Variants in QTMAN observed in about 807,000 individuals in gnomAD.
QTMAN encodes tRNA-queuosine alpha-mannosyltransferase.
At chr2:143,984,369 C>T in the QTMAN span, among the ~76,000 whole-genome samples, 1 of 152,068 alleles carries the variant, frequency 6.6e-6, no homozygotes, top group Non-Finnish European at 1.5e-5. Context: ...AGAGATGATA[C>T]CCTTAGATTT....
the QTMAN span, among the ~76,000 whole-genome samples, chr2:144,182,853 T>TTATATATATATTA: frequency 2.1e-5 from 1 of 47,304 alleles, no homozygotes; most frequent in South Asian, 4.6e-4. Context: ...TATATATATT[T>TTATATATATATTA]TATATATAAT....
the QTMAN span, among the ~76,000 whole-genome samples, chr2:144,109,564 A>C: frequency 9.2e-5 from 14 of 152,214 alleles, no homozygotes; most frequent in African/African-American, 1.2e-4. Flanking sequence ...ATTAAACTAA[A>C]GAGCTTCTGC....
the QTMAN span, among the ~76,000 whole-genome samples, chr2:143,984,767 T>C: frequency 3.9e-5 from 6 of 152,286 alleles, no homozygotes; most frequent in Non-Finnish European, 7.4e-5. Context: ...TTGGAGACTA[T>C]GGTCAGAGAG....
chr2:144,330,062 T>C, the QTMAN span, among the ~76,000 whole-genome samples: 2 of 152,224 alleles, frequency 1.3e-5, no homozygotes, highest in Non-Finnish European at 2.9e-5. Flanking sequence ...CTCATGCACT[T>C]GAGGTCCACT....
At chr2:144,146,338 C>T in the QTMAN span, among the ~76,000 whole-genome samples, 1 of 150,736 alleles carries the variant, frequency 6.6e-6, no homozygotes, top group Non-Finnish European at 1.5e-5. Context: ...TACTGGACTG[C>T]TAATGGTACC....
chr2:144,307,592 G>A, the QTMAN span, among the ~76,000 whole-genome samples: 1 of 152,150 alleles, frequency 6.6e-6, no homozygotes, highest in Non-Finnish European at 1.5e-5. Flanking sequence ...TATATAGAGA[G>A]CATCCTGAGG....
At chr2:144,280,590 C>T in the QTMAN span, among the ~76,000 whole-genome samples, 1 of 151,882 alleles carries the variant, frequency 6.6e-6, no homozygotes, top group African/African-American at 2.4e-5. Context: ...GATAAATTTG[C>T]CATTAAAATT....
At chr2:144,077,018 T>C in the QTMAN span, among the ~76,000 whole-genome samples, 1 of 127,198 alleles carries the variant, frequency 7.9e-6, no homozygotes, top group South Asian at 2.5e-4. Context: ...AACAATAGAT[T>C]AAAAAACTAA....
At chr2:144,243,194 T>G in the QTMAN span, among the ~76,000 whole-genome samples, 1 of 152,172 alleles carries the variant, frequency 6.6e-6, no homozygotes, top group African/African-American at 2.4e-5. Context: ...ACAGGAAGAT[T>G]CTACCTATGT....
chr2:144,056,847 G>A, the QTMAN span, among the ~76,000 whole-genome samples: 1 of 152,258 alleles, frequency 6.6e-6, no homozygotes, highest in African/African-American at 2.4e-5. Flanking sequence ...CCAAGAGGTA[G>A]TGGTGCTGAA....
At chr2:144,242,500 C>G in the QTMAN span, among the ~76,000 whole-genome samples, 2 of 152,144 alleles carry the variant, frequency 1.3e-5, no homozygotes, top group Non-Finnish European at 2.9e-5. Flanking sequence ...ACTCAGGGCA[C>G]ATGGAGCAGC....
chr2:144,253,922 G>C, the QTMAN span, among the ~76,000 whole-genome samples: 1 of 152,192 alleles, frequency 6.6e-6, no homozygotes, highest in Non-Finnish European at 1.5e-5. Context: ...CAGAGGCCTA[G>C]GAGGGAAAAA....
chr2:143,946,925 G>A, the QTMAN span: 14 of 673,654 alleles, frequency 2.1e-5, no homozygotes, highest in East Asian at 3.7e-4. Flanking sequence ...TGTCAGCTAT[G>A]ACAAGCAGCC....
At chr2:144,184,073 T>TA in the QTMAN span, among the ~76,000 whole-genome samples, 2 of 152,152 alleles carry the variant, frequency 1.3e-5, no homozygotes, top group Non-Finnish European at 2.9e-5. Context: ...TGGGATAAGT[T>TA]AGAGAGTATG....
the QTMAN span, among the ~76,000 whole-genome samples, chr2:144,320,170 C>T: frequency 1.3e-5 from 2 of 152,166 alleles, no homozygotes; most frequent in Non-Finnish European, 2.9e-5. Flanking sequence ...TGGAACATGG[C>T]TATATTCTTT....
chr2:144,177,757 G>A, the QTMAN span, among the ~76,000 whole-genome samples: 1 of 152,100 alleles, frequency 6.6e-6, no homozygotes, highest in Non-Finnish European at 1.5e-5. Flanking sequence ...GCAAATGAGT[G>A]AGCCACAAAT....
the QTMAN span, among the ~76,000 whole-genome samples, chr2:144,259,261 T>TAATC: frequency 6.6e-6 from 1 of 152,158 alleles, no homozygotes; most frequent in Non-Finnish European, 1.5e-5. Flanking sequence ...TGGGTTCAAG[T>TAATC]AATCCTCTCG....
chr2:144,202,725 C>T, the QTMAN span, among the ~76,000 whole-genome samples: 1 of 152,046 alleles, frequency 6.6e-6, no homozygotes, highest in African/African-American at 2.4e-5. Context: ...ACACAGTTGT[C>T]GAACTTTAAA....
chr2:144,137,009 G>C, the QTMAN span, among the ~76,000 whole-genome samples: 1 of 152,062 alleles, frequency 6.6e-6, no homozygotes, highest in Admixed American at 6.6e-5. Flanking sequence ...GCTGTAATCA[G>C]GGAGATTTTA....
Sources: allele counts gnomAD v4.1 joint callset (sites outside exome capture counted in the v4.1 genomes callset), GRCh38; gene constraint gnomAD v4.1.1; transcripts MANE v1.5; gene names NCBI Gene and HGNC (gene_info 2026-07-23, HGNC 2026-07-21).